The following VWA3B variants were observed in gnomAD, a reference collection of about 807,000 sequenced individuals.
The protein encoded by VWA3B is von Willebrand factor A domain containing 3B.
A neutral mutation model predicts 158.3 loss-of-function variants in VWA3B; 138 were observed. The observed-to-expected ratio is 0.87, with a 90% CI of 0.76 to 1.00. The LOEUF (loss-of-function observed/expected upper bound fraction) is 1.00. Among genes scored for constraint, VWA3B ranks in the 50% least tolerant of loss-of-function variants. The pLI is 0.00. For synonymous variants in VWA3B, 596 were observed against 587.3 expected (o/e 1.01, Z -0.21); for missense variants, 1,555 against 1,565.1 (o/e 0.99, Z 0.11).
At chr2:98,248,466 C>G (rs1686539954) in intron 19 of VWA3B, among the ~76,000 whole-genome samples, 1 of 152,104 alleles carries the variant, frequency 6.6e-6, no homozygotes, top group Non-Finnish European at 1.5e-5. Flanking sequence ...TTTTATAGCT[C>G]TTGTTCCATG....
At chr2:98,113,614 C>G (rs183017804) in intron 2 of VWA3B, among the ~76,000 whole-genome samples, 1 of 152,258 alleles carries the variant, frequency 6.6e-6, no homozygotes, top group African/African-American at 2.4e-5. Flanking sequence ...AATGGTTTTA[C>G]TATATTCACA....
intron 22 of VWA3B, among the ~76,000 whole-genome samples, chr2:98,272,520 G>A (rs1334650494): frequency 1.3e-5 from 2 of 152,008 alleles, no homozygotes; most frequent in Non-Finnish European, 2.9e-5. Flanking sequence ...TTAAAGCATC[G>A]GCTCTAGTGA....
At chr2:98,328,191 C>T in the VWA3B span, among the ~76,000 whole-genome samples, 34 of 152,162 alleles carry the variant, frequency 2.2e-4, no homozygotes, top group Non-Finnish European at 4.1e-4. Context: ...GATCAGTCCC[C>T]AAATCCCTCG....
intron 6 of VWA3B, among the ~76,000 whole-genome samples, chr2:98,128,788 G>A (rs1675587559): frequency 6.6e-6 from 1 of 152,134 alleles, no homozygotes; most frequent in South Asian, 2.1e-4. Flanking sequence ...TCACTCCAGG[G>A]CCACACACCA....
At chr2:98,178,160 C>G (rs142385398) in intron 8 of VWA3B, among the ~76,000 whole-genome samples, 159 of 152,144 alleles carry the variant, frequency 1.0e-3, no homozygotes, top group African/African-American at 3.6e-3. Flanking sequence ...AGTGTGCAGG[C>G]GAACCCCAGG....
chr2:98,133,406 C>G (rs1036391639), intron 6 of VWA3B, among the ~76,000 whole-genome samples: 1 of 152,164 alleles, frequency 6.6e-6, no homozygotes, highest in Admixed American at 6.5e-5. Flanking sequence ...CTGTCTGTGT[C>G]ATGAGCTGTC....
At chr2:98,207,353 C>A in intron 12 of VWA3B, 1 of 487,820 alleles carries the variant, frequency 2.0e-6, no homozygotes, top group South Asian at 1.6e-5. Flanking sequence ...GACTCCATCT[C>A]TCACATCATG....
chr2:98,315,319 A>G (rs547786163), downstream of VWA3B, among the ~76,000 whole-genome samples: 8 of 152,332 alleles, frequency 5.3e-5, no homozygotes, highest in South Asian at 1.7e-3. Flanking sequence ...GACACACACA[A>G]TAATAATAGT....
intron 19 of VWA3B, among the ~76,000 whole-genome samples, chr2:98,240,826 A>T (rs959867499): frequency 6.6e-6 from 1 of 152,134 alleles, no homozygotes; most frequent in African/African-American, 2.4e-5. Context: ...GCCTACTCTG[A>T]GGTTGTTATG....
chr2:98,178,558 A>G (rs891624494), intron 8 of VWA3B, among the ~76,000 whole-genome samples: 2 of 152,236 alleles, frequency 1.3e-5, no homozygotes, highest in Non-Finnish European at 2.9e-5. Flanking sequence ...CCTAACAGTG[A>G]GTGCTACTTT....
At chr2:98,239,747 A>T (rs555073359) in intron 19 of VWA3B, among the ~76,000 whole-genome samples, 12 of 151,622 alleles carry the variant, frequency 7.9e-5, no homozygotes, top group African/African-American at 2.7e-4. Context: ...CTCCGTCTGT[A>T]CTAAAAATAC....
chr2:98,292,832 C>T (rs986800671), intron 23 of VWA3B, among the ~76,000 whole-genome samples: 8 of 151,772 alleles, frequency 5.3e-5, no homozygotes, highest in East Asian at 1.9e-4. Flanking sequence ...GACGTGGTGG[C>T]GGGCACCTGT....
intron 2 of VWA3B, among the ~76,000 whole-genome samples, chr2:98,111,056 G>A (rs140962008): frequency 3.4e-4 from 52 of 152,168 alleles, no homozygotes; most frequent in Non-Finnish European, 4.7e-4. Flanking sequence ...TAAATTTCCC[G>A]GTTTCAGGTA....
intron 12 of VWA3B, among the ~76,000 whole-genome samples, chr2:98,202,548 G>A (rs770596497): frequency 2.0e-5 from 3 of 150,904 alleles, no homozygotes; most frequent in Non-Finnish European, 4.4e-5. Flanking sequence ...TACTTGCTTT[G>A]TTTTTTTAAA....
chr2:98,313,584 A>C (rs181369071), downstream of VWA3B, among the ~76,000 whole-genome samples: 24 of 152,332 alleles, frequency 1.6e-4, no homozygotes, highest in Admixed American at 5.9e-4. Flanking sequence ...GCATTGGTTC[A>C]TTTATTCATA....
At chr2:98,243,451 A>G (rs1369648080) in intron 19 of VWA3B, among the ~76,000 whole-genome samples, 4 of 151,918 alleles carry the variant, frequency 2.6e-5, no homozygotes, top group African/African-American at 9.7e-5. Flanking sequence ...CTCCTGCCTC[A>G]GCCTCCCGAG....
rs539466927 is a variant in VWA3B at position 98,240,592 on chromosome 2, T to G, written c.2673+3862T>G. 3.3e-5 allele frequency among the ~76,000 whole-genome samples: 5 copies of G among 152,310 alleles called. No individual in the cohort carries two copies. In the South Asian group the frequency reaches 1.0e-3, roughly 32 times the overall value. On this transcript the variant is annotated intron_variant, in intron 19 of 27. Coordinates refer to ENST00000477737, the MANE Select transcript of VWA3B (RefSeq NM_144992.5). ...CAGACAGAGTAAAGTAGTACTCTCTTCCTAAGAAGAACTCTGTGTAATACT... is the reference window on the plus strand; with the variant it reads ...CAGACAGAGTAAAGTAGTACTCTCTGCCTAAGAAGAACTCTGTGTAATACT...
At chr2:98,175,120 C>T (rs1012181426) in intron 8 of VWA3B, among the ~76,000 whole-genome samples, 2 of 151,916 alleles carry the variant, frequency 1.3e-5, no homozygotes, top group East Asian at 1.9e-4. Flanking sequence ...AAAAATGAGG[C>T]ATGCAAAGAA....
intron 10 of VWA3B, 122 bp from the exon 11 acceptor site, chr2:98,192,776 A>G: frequency 2.9e-6 from 4 of 1,371,234 alleles, no homozygotes; most frequent in Non-Finnish European, 3.1e-6. Context: ...TACTCACAGA[A>G]GATTGGGTAT....
Sources: allele counts gnomAD v4.1 joint callset (sites outside exome capture counted in the v4.1 genomes callset), GRCh38; gene constraint gnomAD v4.1.1; transcripts MANE v1.5; gene names NCBI Gene and HGNC (gene_info 2026-07-23, HGNC 2026-07-21).